The following ADAMTS19 variants were observed in gnomAD, a reference collection of about 807,000 sequenced individuals.
The protein encoded by ADAMTS19 is A disintegrin and metalloproteinase with thrombospondin motifs 19.
A neutral mutation model predicts 153.3 loss-of-function variants in ADAMTS19; 93 were observed. The observed-to-expected ratio is 0.61, with a 90% CI of 0.51 to 0.72. The LOEUF is 0.72. Among genes scored for constraint, ADAMTS19 ranks in the 30% least tolerant of loss-of-function variants. The pLI, the probability that ADAMTS19 is intolerant of heterozygous loss-of-function variation, is 0.00. For synonymous variants in ADAMTS19, 600 were observed against 556.6 expected (o/e 1.08, Z -1.10); for missense variants, 1,482 against 1,552.1 (o/e 0.95, Z 0.76).
chr5:129,581,917 G>A (rs1430390183), intron 7 of ADAMTS19, among the ~76,000 whole-genome samples: 4 of 152,150 alleles, frequency 2.6e-5, no homozygotes, highest in Non-Finnish European at 4.4e-5. Flanking sequence ...GCGGTTTTGA[G>A]TGAGTTTCTT....
At chr5:129,531,737 C>T (rs73246883) in intron 6 of ADAMTS19, among the ~76,000 whole-genome samples, 7,472 of 151,902 alleles carry the variant, frequency 0.049, 249 homozygotes, top group African/African-American at 0.089. Context: ...TGGACTTACA[C>T]GATATGATTT....
At chr5:129,677,266 A>G (rs1455220430) in intron 16 of ADAMTS19, among the ~76,000 whole-genome samples, 1 of 152,194 alleles carries the variant, frequency 6.6e-6, no homozygotes, top group Non-Finnish European at 1.5e-5. Flanking sequence ...ACCTGAGGTC[A>G]GGAGTTCCAG....
chr5:129,578,666 G>A (rs1581106235), intron 7 of ADAMTS19, among the ~76,000 whole-genome samples: 1 of 151,498 alleles, frequency 6.6e-6, no homozygotes, highest in South Asian at 2.1e-4. Flanking sequence ...ATTGTTCAAT[G>A]CCCACTTGAG....
chr5:129,552,732 C>G (rs762174584), intron 7 of ADAMTS19, among the ~76,000 whole-genome samples: 7 of 151,652 alleles, frequency 4.6e-5, no homozygotes, highest in Non-Finnish European at 1.0e-4. Context: ...GGTGTAGAAA[C>G]AGAACATAGG....
At chr5:129,669,090 A>T (rs190950369) in intron 16 of ADAMTS19, among the ~76,000 whole-genome samples, 1 of 150,658 alleles carries the variant, frequency 6.6e-6, no homozygotes, top group African/African-American at 2.4e-5. Context: ...ATATATGTGT[A>T]TATATATATA....
chr5:129,639,575 C>G (rs1752704879), intron 10 of ADAMTS19, among the ~76,000 whole-genome samples: 1 of 152,110 alleles, frequency 6.6e-6, no homozygotes, highest in Non-Finnish European at 1.5e-5. Context: ...CCTGCCGTTT[C>G]AAATAGCAGC....
chr5:129,633,410 G>A lies in ADAMTS19; in HGVS notation c.1771-8449G>A, dbSNP rs140989790. Among the ~76,000 whole-genome samples the A allele has an allele frequency of 2.7e-3, 411 of 152,184 alleles. 1 individual carries two copies. Among genetic ancestry groups the A allele is most frequent in the African/African-American group, 9.1e-3 (379 of 41,516 alleles). On this transcript the variant is annotated intron_variant, in intron 10 of 22. Transcript: ENST00000274487. ...GGGTTGCATTTTGCTATTCTACATA[G>A]CCAGTAATTTTTACTTCTATACTAG... is the stretch of plus-strand genomic sequence containing the variant.
In ADAMTS19 at chr5:129,735,129, A is replaced by AG. The variant is rs779556957; in HGVS notation, c.3490+21dup. The AG allele has an allele frequency of 1.3e-6, 2 of 1,525,320 alleles. No individual in the cohort carries two copies. The highest frequency in any genetic ancestry group is 1.8e-6 in the Non-Finnish European group (2 of 1,138,274). 94.5% of individuals were successfully genotyped at this position (1,525,320 alleles called of 1,614,324 possible). The stretch of plus-strand genomic sequence containing the variant: ...GACTGGGTAAGCAGACAAAAAAAAA[A>AG]GATGCTTTTGAAAAACATAGAAATG... On this transcript the variant is annotated intron_variant, in intron 22 of 22. Coordinates refer to ENST00000274487, the MANE Select transcript of ADAMTS19 (RefSeq NM_133638.6).
At chr5:129,681,436 T>C (rs1459675803) in intron 17 of ADAMTS19, among the ~76,000 whole-genome samples, 1 of 152,176 alleles carries the variant, frequency 6.6e-6, no homozygotes, top group Non-Finnish European at 1.5e-5. Flanking sequence ...ATAATATCCA[T>C]CATTCTTGAG....
chr5:129,490,484 A>G (rs1750728512), intron 2 of ADAMTS19, among the ~76,000 whole-genome samples: 2 of 152,302 alleles, frequency 1.3e-5, no homozygotes, highest in South Asian at 4.1e-4. Context: ...ACATTATAAG[A>G]TAAGAATTAA....
chr5:129,462,623 GT>G (rs1245716837), intron 2 of ADAMTS19, among the ~76,000 whole-genome samples: 1 of 149,728 alleles, frequency 6.7e-6, no homozygotes, highest in Non-Finnish European at 1.5e-5. Flanking sequence ...GTGTGGGGGG[GT>G]CAAATATGCA....
At position 129,645,284 on chromosome 5, in the gene ADAMTS19, T is replaced by C. The variant is rs375101379; in HGVS notation, c.1873-2481T>C. Reference sequence around the variant, plus strand: ...TGCAAACGTTGTATGAAACAAATCATGCTGCTCTCCATAATATCCCTAATG... The same window carrying C: ...TGCAAACGTTGTATGAAACAAATCACGCTGCTCTCCATAATATCCCTAATG... On this transcript the variant is annotated intron_variant, in intron 11 of 22. Coordinates refer to ENST00000274487, the MANE Select transcript of ADAMTS19 (RefSeq NM_133638.6). Among the ~76,000 whole-genome samples the C allele has an allele frequency of 5.4e-4, 82 of 152,348 alleles. No homozygotes were observed. The East Asian group carries it at 8.5e-3, about 16-fold the overall frequency.
At chr5:129,614,497 A>G (rs562945201) in intron 8 of ADAMTS19, among the ~76,000 whole-genome samples, 25 of 152,288 alleles carry the variant, frequency 1.6e-4, no homozygotes, top group Admixed American at 3.3e-4. Flanking sequence ...CCTTCATGCT[A>G]AAAACTCTCA....
At chr5:129,522,332 C>CACACACACACATATATAT (rs1309115957) in intron 3 of ADAMTS19, among the ~76,000 whole-genome samples, 2 of 58,626 alleles carry the variant, frequency 3.4e-5, no homozygotes, top group Admixed American at 2.0e-4. Context: ...CACACACACA[C>CACACACACACATATATAT]ATATATATAT....
chr5:129,633,718 A>T (rs1752410558), intron 10 of ADAMTS19, among the ~76,000 whole-genome samples: 1 of 152,212 alleles, frequency 6.6e-6, no homozygotes, highest in Non-Finnish European at 1.5e-5. Flanking sequence ...TATATTAATT[A>T]GATTTAAACT....
chr5:129,613,632 A>C (rs778453773), intron 8 of ADAMTS19, among the ~76,000 whole-genome samples: 1 of 152,206 alleles, frequency 6.6e-6, no homozygotes, highest in South Asian at 2.1e-4. Context: ...AGAATTAGTG[A>C]AGCAAGAGCA....
At chr5:129,702,774 G>A (rs1033490245) in intron 20 of ADAMTS19, among the ~76,000 whole-genome samples, 2 of 151,242 alleles carry the variant, frequency 1.3e-5, no homozygotes, top group Non-Finnish European at 2.9e-5. Context: ...CAAACTCTTC[G>A]GGAGAAAATT....
chr5:129,704,156 T>C, intron 20 of ADAMTS19, 83 bp from the exon 21 acceptor site: 1 of 1,425,040 alleles, frequency 7.0e-7, no homozygotes, highest in Non-Finnish European at 9.6e-7. Flanking sequence ...TAACAGATTA[T>C]TGGAAACCAG....
In ADAMTS19 at chr5:129,472,568, A is replaced by G. The variant is rs1281503989; in HGVS notation, c.747+10811A>G. Among the ~76,000 whole-genome samples, 5 of 152,162 alleles carry G rather than the reference A, an allele frequency of 3.3e-5. No homozygotes were observed. The East Asian group carries it at 9.6e-4, about 29-fold the overall frequency. Reference sequence around the variant, plus strand: ...ACATGTGAACTAGTTGGAAGATAACACAATGGAACGTTAATGCCAGCATAA... The same window carrying G: ...ACATGTGAACTAGTTGGAAGATAACGCAATGGAACGTTAATGCCAGCATAA... On this transcript the variant is annotated intron_variant, in intron 2 of 22. Transcript: ENST00000274487.
Sources: gnomAD v4.1 joint callset for allele counts (sites outside exome capture counted in the v4.1 genomes callset) on GRCh38, gnomAD v4.1.1 for gene constraint, MANE v1.5 for transcripts, NCBI Gene and HGNC (gene_info 2026-07-23, HGNC 2026-07-21) for gene names.